Variants in NPTX2 observed in about 807,000 individuals in gnomAD.
NPTX2 encodes the protein neuronal pentraxin 2, also known as neuronal pentraxin-2.
Under a neutral mutation model 38.1 loss-of-function variants are expected in NPTX2, and 23 were observed. That is an observed-to-expected ratio of 0.60 (90% CI 0.43 to 0.85). The LOEUF is 0.85. NPTX2 is among the 40% of genes least tolerant of loss of function. The pLI is 0.00. For synonymous variants in NPTX2, 291 were observed against 287.3 expected (o/e 1.01, Z -0.13); for missense variants, 553 against 615.3 (o/e 0.90, Z 1.07).
intron 4 of NPTX2, 29 bp downstream of exon 4, chr7:98,627,373 C>G (rs1198248387): frequency 6.2e-7 from 1 of 1,600,834 alleles, no homozygotes; most frequent in Non-Finnish European, 8.5e-7. Context: ...CAGGTGGGCA[C>G]AGGGTGGGTG....
chr7:98,624,345 G>A (rs573312863), intron 2 of NPTX2, among the ~76,000 whole-genome samples: 12 of 151,958 alleles, frequency 7.9e-5, no homozygotes, highest in Non-Finnish European at 1.5e-4. Context: ...CTCCTGCCTC[G>A]GCCTCCCAAA....
chr7:98,617,796 C>T lies in NPTX2; in HGVS notation c.335C>T (p.Thr112Ile), dbSNP rs1350776016. ...ARGAGATGKD[T>I]MGDLPRDPGH... Reference sequence around the variant, plus strand: ...GGCGCGGGGGCCACGGGCAAGGACACTATGGGCGACCTGCCGCGGGACCCC... The same window carrying T: ...GGCGCGGGGGCCACGGGCAAGGACATTATGGGCGACCTGCCGCGGGACCCC... The change falls in exon 1 of 5, where the codon ACT becomes ATT. Residue 112 changes from threonine (T) to isoleucine (I), a missense_variant. Transcript: ENST00000265634. The T allele has an allele frequency of 6.6e-6, 10 of 1,526,692 alleles. No homozygotes were observed. The highest frequency in any genetic ancestry group is 8.7e-6 in the Non-Finnish European group (10 of 1,144,340). 94.6% of individuals were successfully genotyped at this position (1,526,692 alleles called of 1,614,324 possible).
chr7:98,621,090 C>T (rs547819711), intron 2 of NPTX2, among the ~76,000 whole-genome samples: 1 of 152,308 alleles, frequency 6.6e-6, no homozygotes, highest in Admixed American at 6.5e-5. Context: ...GTGACAGTCA[C>T]ATCAACCTGC....
At chr7:98,626,540 G>GC (rs886092131) in intron 3 of NPTX2, among the ~76,000 whole-genome samples, 1 of 152,182 alleles carries the variant, frequency 6.6e-6, no homozygotes, top group Non-Finnish European at 1.5e-5. Flanking sequence ...GGTTTGGACG[G>GC]CTTGTAAACA....
In NPTX2 at chr7:98,624,520, TG is replaced by T. The variant is rs575943149; in HGVS notation, c.644-398del. Among the ~76,000 whole-genome samples the T allele has an allele frequency of 7.2e-5, 11 of 152,266 alleles. No individual in the cohort carries two copies. The South Asian group carries it at 2.1e-3, about 29-fold the overall frequency. On this transcript the variant is annotated intron_variant, in intron 2 of 4. Transcript: ENST00000265634. ...TTTTCTTTCCTTTTCTGGGCGTCCT[TG>T]GGGCCCTGTACTTGCTGTCACCTGT...
Position 98,619,683 on chromosome 7 carries a change from G to A in NPTX2, c.467G>A (p.Gly156Asp). ...RANVSNAGLP[G>D]DFREVLQQRL... is the part of the protein sequence containing the mutation. ...AACGTGTCCAATGCTGGGCTGCCCGGCGACTTCCGCGAGGTGCTCCAGCAG... is the reference window on the plus strand; with the variant it reads ...AACGTGTCCAATGCTGGGCTGCCCGACGACTTCCGCGAGGTGCTCCAGCAG... Residue 156 changes from glycine to aspartate, a missense_variant, in exon 2 of 5, where the codon GGC (glycine) becomes GAC (aspartate). Physicochemically the swap from Gly to Asp is moderately conservative, Grantham distance 94. Transcript: ENST00000265634. 1 of 1,613,432 alleles carries A rather than the reference G, an allele frequency of 6.2e-7. No homozygotes were observed. Among genetic ancestry groups the A allele is most frequent in the Non-Finnish European group, 8.5e-7 (1 of 1,180,034 alleles).
intron 2 of NPTX2, among the ~76,000 whole-genome samples, chr7:98,623,513 TGAG>T (rs1326066834): frequency 2.0e-5 from 3 of 152,172 alleles, no homozygotes; most frequent in African/African-American, 7.2e-5. Flanking sequence ...TTCCCCTAAA[TGAG>T]GAGAGACACC....
intron 1 of NPTX2, among the ~76,000 whole-genome samples, chr7:98,618,383 G>C (rs1402082140): frequency 1.3e-5 from 2 of 152,150 alleles, no homozygotes; most frequent in African/African-American, 2.4e-5. Context: ...TAGAGGGGGC[G>C]GAAGTCTGGG....
intron 1 of NPTX2, among the ~76,000 whole-genome samples, chr7:98,618,577 TC>T (rs1562848965): frequency 2.6e-3 from 55 of 21,524 alleles, no homozygotes; most frequent in Non-Finnish European, 4.1e-3. Context: ...TCTCCCCCCC[TC>T]CCCCCCTCCC....
At position 98,628,810 on chromosome 7, in the gene NPTX2, A is replaced by G; in HGVS notation, c.*181A>G. 2.1e-6 allele frequency: 1 copy of G among 469,842 alleles called. No homozygotes were observed. Among genetic ancestry groups the G allele is most frequent in the Non-Finnish European group, 3.8e-6 (1 of 265,400 alleles). The allele number at this position is 469,842 out of a possible 1,614,324, so 29.1% of individuals were successfully genotyped here. ...TCACTGGCTTGTTTGTTCCCTACCAATATTCTGTTGCTGTTTGAAGTAGTG... is the reference window on the plus strand; with the variant it reads ...TCACTGGCTTGTTTGTTCCCTACCAGTATTCTGTTGCTGTTTGAAGTAGTG... On this transcript the variant is annotated 3_prime_UTR_variant, in exon 5 of 5. Transcript: ENST00000265634.
intron 3 of NPTX2, among the ~76,000 whole-genome samples, chr7:98,625,743 C>A (rs752931114): frequency 6.6e-6 from 1 of 152,004 alleles, no homozygotes; most frequent in African/African-American, 2.4e-5. Flanking sequence ...ACTCTGATCC[C>A]AGCCCCAGCC....
chr7:98,628,767 G>A lies in NPTX2; in HGVS notation c.*138G>A. 1 of 531,828 alleles carries A rather than the reference G, an allele frequency of 1.9e-6. No individual in the cohort carries two copies. The allele number at this position is 531,828 out of a possible 1,614,324, so 32.9% of individuals were successfully genotyped here. ...CATTCCCCAGGAATCTCTAAGACCA[G>A]GGCTGGGGCAGTGTCTGTCACTGGC... On this transcript the variant is annotated 3_prime_UTR_variant, in exon 5 of 5. Transcript: ENST00000265634.
chr7:98,619,957 C>T (rs1205996909), intron 2 of NPTX2, 98 bp downstream of exon 2: 4 of 1,063,408 alleles, frequency 3.8e-6, no homozygotes, highest in East Asian at 2.6e-5. Context: ...GGGATTGTGA[C>T]ACCACATGGG....
chr7:98,627,647 C>T (rs1791376127), intron 4 of NPTX2, among the ~76,000 whole-genome samples: 1 of 152,150 alleles, frequency 6.6e-6, no homozygotes, highest in Non-Finnish European at 1.5e-5. Context: ...CAAACAGATT[C>T]CAAATAGAAC....
In NPTX2 at chr7:98,617,520, G is replaced by A. The variant is rs1791187442; in HGVS notation, c.59G>A (p.Ser20Asn). The A allele has an allele frequency of 1.4e-6, 2 of 1,402,158 alleles. No individual in the cohort carries two copies. Among genetic ancestry groups the A allele is most frequent in the East Asian group, 3.2e-5 (1 of 31,666 alleles). The allele number at this position is 1,402,158 out of a possible 1,614,324, so 86.9% of individuals were successfully genotyped here. The stretch of plus-strand genomic sequence containing the variant: ...GCCGTGGCCGCTGGGGCCCAGGACA[G>A]CCCGGCGCCCGGTAGCCGCTTCGTG... Reference protein sequence around the residue: ...ALAVAAGAQDSPAPGSRFVCT... With the variant: ...ALAVAAGAQDNPAPGSRFVCT... Residue 20 changes from serine to asparagine, a missense_variant, in exon 1 of 5, where the codon AGC (serine) becomes AAC (asparagine). Coordinates refer to ENST00000265634, the MANE Select transcript of NPTX2 (RefSeq NM_002523.3).
At chr7:98,626,181 G>A (rs924529247) in intron 3 of NPTX2, among the ~76,000 whole-genome samples, 5 of 150,614 alleles carry the variant, frequency 3.3e-5, no homozygotes, top group Non-Finnish European at 4.4e-5. Flanking sequence ...GCCACTTTGG[G>A]CCTCCTGGGG....
intron 3 of NPTX2, among the ~76,000 whole-genome samples, chr7:98,626,146 CAAAAAAAAAAA>C (rs561364197): frequency 2.8e-5 from 2 of 71,430 alleles, no homozygotes; most frequent in African/African-American, 4.4e-5. Context: ...TACCCTGTCT[CAAAAAAAAAAA>C]AAAAAAAAAA....
At chr7:98,617,949 A>G in intron 1 of NPTX2, 62 bp downstream of exon 1, 1 of 1,493,192 alleles carries the variant, frequency 6.7e-7, no homozygotes, top group Non-Finnish European at 8.9e-7. Context: ...CGGGGGCGGA[A>G]GACTCGGGAG....
intron 2 of NPTX2, among the ~76,000 whole-genome samples, chr7:98,622,797 C>T (rs1402569957): frequency 1.3e-5 from 2 of 152,216 alleles, no homozygotes; most frequent in East Asian, 3.8e-4. Flanking sequence ...GAGAGGTGCC[C>T]ATCCTTAGGA....
Sources: allele counts gnomAD v4.1 joint callset (sites outside exome capture counted in the v4.1 genomes callset), GRCh38; gene constraint gnomAD v4.1.1; transcripts MANE v1.5; gene names NCBI Gene and HGNC (gene_info 2026-07-23, HGNC 2026-07-21).